Variants in UNC13C observed in about 807,000 individuals in gnomAD.
UNC13C encodes the protein unc-13 homolog C, also known as protein unc-13 homolog C.
In UNC13C, 174 loss-of-function variants were observed where a neutral mutation model predicts 245.4. The observed-to-expected ratio is 0.71, with a 90% confidence interval of 0.63 to 0.80. The LOEUF is 0.80. Among genes scored for constraint, UNC13C ranks in the 30% least tolerant of loss-of-function variants. The pLI is 0.00. For synonymous variants in UNC13C, 992 were observed against 895.1 expected (o/e 1.11, Z -1.93); for missense variants, 2,829 against 2,602.9 (o/e 1.09, Z -1.89).
intron 2 of UNC13C, among the ~76,000 whole-genome samples, chr15:54,139,208 T>G (rs1271606597): frequency 6.6e-6 from 1 of 151,852 alleles, no homozygotes; most frequent in Non-Finnish European, 1.5e-5. Flanking sequence ...TCTGCCCGCC[T>G]CAGCCTCCCA....
intron 7 of UNC13C, among the ~76,000 whole-genome samples, chr15:54,248,359 G>C (rs12901994): frequency 1.3e-5 from 2 of 151,862 alleles, no homozygotes; most frequent in African/African-American, 2.4e-5. Flanking sequence ...CAGTTAGAAC[G>C]GGAGACTCTG....
chr15:54,165,212 A>G (rs975480687), intron 4 of UNC13C, among the ~76,000 whole-genome samples: 18 of 152,258 alleles, frequency 1.2e-4, no homozygotes, highest in African/African-American at 4.3e-4. Context: ...TTGTGTGTGT[A>G]TATATGTGAT....
intron 10 of UNC13C, among the ~76,000 whole-genome samples, chr15:54,277,486 T>A (rs2036862747): frequency 1.3e-5 from 2 of 152,170 alleles, no homozygotes; most frequent in Non-Finnish European, 2.9e-5. Context: ...TGGGGGAACA[T>A]TTGGCATGAC....
intron 17 of UNC13C, among the ~76,000 whole-genome samples, chr15:54,370,424 T>A (rs577227895): frequency 1.9e-4 from 29 of 152,146 alleles, no homozygotes; most frequent in Non-Finnish European, 4.1e-4. Context: ...TAGATTTACT[T>A]ACTTGTCATT....
chr15:53,960,188 A>G, the UNC13C span, among the ~76,000 whole-genome samples: 1 of 152,074 alleles, frequency 6.6e-6, no homozygotes, highest in South Asian at 2.1e-4. Flanking sequence ...CCATTCTGCT[A>G]TTGTCACCAC....
At chr15:54,601,151 C>A (rs1899395612) in intron 30 of UNC13C, among the ~76,000 whole-genome samples, 1 of 152,184 alleles carries the variant, frequency 6.6e-6, no homozygotes, top group Non-Finnish European at 1.5e-5. Context: ...TCTCACAATT[C>A]TTTAGTTCCA....
chr15:54,530,826 A>T (rs927687640), intron 25 of UNC13C, among the ~76,000 whole-genome samples: 1 of 152,100 alleles, frequency 6.6e-6, no homozygotes, highest in African/African-American at 2.4e-5. Context: ...GCAAGAAATG[A>T]GATCAGTGAG....
intron 4 of UNC13C, among the ~76,000 whole-genome samples, chr15:54,160,785 AT>A (rs1289104706): frequency 2.6e-5 from 4 of 152,178 alleles, no homozygotes; most frequent in African/African-American, 9.7e-5. Flanking sequence ...GAAAGCAAAT[AT>A]TTTTTACATG....
At chr15:53,996,805 T>C (rs1894654914) in intron 1 of UNC13C, among the ~76,000 whole-genome samples, 1 of 151,304 alleles carries the variant, frequency 6.6e-6, no homozygotes, top group African/African-American at 2.4e-5. Context: ...AAATATACCA[T>C]AATTTGTATA....
rs547033488 is a variant in UNC13C, at chr15:54,589,227, C to G, written c.6106+21280C>G. 3.5e-5 allele frequency among the ~76,000 whole-genome samples: 5 copies of G among 142,036 alleles called. No homozygotes were observed. The South Asian group carries it at 7.1e-4, about 20-fold the overall frequency. The allele number at this position is 142,036 out of a possible 152,430, so 93.2% of individuals were successfully genotyped here. ...TGGTTTTGATTTGCATTTCGTTGAT[C>G]ATTAGTAATGTTGAGCATTTTGTCA... On this transcript the variant is annotated intron_variant, in intron 30 of 32. Coordinates refer to ENST00000260323, the MANE Select transcript of UNC13C (RefSeq NM_001080534.3).
chr15:54,368,717 A>G (rs1235311966), intron 17 of UNC13C, among the ~76,000 whole-genome samples: 1 of 152,190 alleles, frequency 6.6e-6, no homozygotes, highest in African/African-American at 2.4e-5. Flanking sequence ...TGATATTTGC[A>G]CTAAAGGCAG....
At chr15:53,974,325 C>T (rs1430742727), upstream of UNC13C, among the ~76,000 whole-genome samples, 3 of 152,174 alleles carry the variant, frequency 2.0e-5, no homozygotes, top group African/African-American at 4.8e-5. Flanking sequence ...ATTGGCTACA[C>T]AGGGACTCAA....
intron 1 of UNC13C, among the ~76,000 whole-genome samples, chr15:53,999,812 GTTTAAC>G (rs894583564): frequency 2.1e-4 from 32 of 152,014 alleles, no homozygotes; most frequent in Non-Finnish European, 4.4e-4. Context: ...GAAGAATGTT[GTTTAAC>G]TTTAAAAGAT....
chr15:54,291,773 A>G (rs2037305726), intron 10 of UNC13C, among the ~76,000 whole-genome samples: 1 of 152,038 alleles, frequency 6.6e-6, no homozygotes, highest in Admixed American at 6.6e-5. Flanking sequence ...AATCACTTTT[A>G]TGTAAAATAA....
intron 1 of UNC13C, among the ~76,000 whole-genome samples, chr15:53,985,835 A>G (rs1478934480): frequency 6.6e-6 from 1 of 152,012 alleles, no homozygotes; most frequent in African/African-American, 2.4e-5. Flanking sequence ...TGTAGTAACA[A>G]TATTTTCCTC....
At chr15:54,293,842 T>C (rs879002251) in intron 10 of UNC13C, 53 bp from the exon 11 acceptor site, 1 of 1,403,024 alleles carries the variant, frequency 7.1e-7, no homozygotes, top group Non-Finnish European at 9.4e-7. Context: ...TAACATCAAA[T>C]GGAATTTAGA....
intron 4 of UNC13C, among the ~76,000 whole-genome samples, chr15:54,231,332 A>G (rs1567119100): frequency 6.6e-6 from 1 of 152,080 alleles, no homozygotes. Context: ...TTCATTAAAT[A>G]CAAAATAATA....
intron 30 of UNC13C, among the ~76,000 whole-genome samples, chr15:54,598,069 C>G (rs1467907668): frequency 6.6e-6 from 1 of 152,138 alleles, no homozygotes; most frequent in East Asian, 1.9e-4. Context: ...GTAGAAGACT[C>G]CTACAATGAG....
At position 54,627,394 on chromosome 15, in the gene UNC13C, T is replaced by A; in HGVS notation, c.*281T>A. The A allele has an allele frequency of 4.1e-6, 1 of 243,258 alleles. No individual in the cohort carries two copies. Among genetic ancestry groups the A allele is most frequent in the African/African-American group, 2.2e-5 (1 of 44,874 alleles). 15.1% of individuals were successfully genotyped at this position (243,258 alleles called of 1,614,324 possible). ...TTACCCATTTCACATTCATTAAACA[T>A]AATTTTTAAAAACTAGTCTTTTGAG... On this transcript the variant is annotated 3_prime_UTR_variant, in exon 33 of 33. Transcript: ENST00000260323.
Sources: gnomAD v4.1 joint callset for allele counts (sites outside exome capture counted in the v4.1 genomes callset) on GRCh38, gnomAD v4.1.1 for gene constraint, MANE v1.5 for transcripts, NCBI Gene and HGNC (gene_info 2026-07-23, HGNC 2026-07-21) for gene names.